GSK3B: variants seen among roughly 807,000 people sequenced by gnomAD.
GSK3B encodes the protein glycogen synthase kinase 3 beta.
In GSK3B, 15 loss-of-function variants were observed where a neutral mutation model predicts 56.4. The ratio of observed to expected loss-of-function variants is 0.27; its 90% CI spans 0.18 to 0.41. The LOEUF (loss-of-function observed/expected upper bound fraction) is 0.41. Among genes scored for constraint, GSK3B ranks in the 10% least tolerant of loss-of-function variants. The pLI, the probability that GSK3B is intolerant of heterozygous loss-of-function variation, is 1.00. For synonymous variants in GSK3B, 181 were observed against 188.9 expected (o/e 0.96, Z 0.34); for missense variants, 300 against 513.4 (o/e 0.58, Z 4.02).
intron 1 of GSK3B, among the ~76,000 whole-genome samples, chr3:120,002,995 C>G (rs1048504225): frequency 1.3e-5 from 2 of 152,196 alleles, no homozygotes; most frequent in Admixed American, 1.3e-4. Flanking sequence ...GATCCTTCTG[C>G]ATTTAGGAAA....
intron 10 of GSK3B, among the ~76,000 whole-genome samples, chr3:119,831,430 G>A (rs1468780410): frequency 1.3e-5 from 2 of 152,106 alleles, no homozygotes; most frequent in African/African-American, 4.8e-5. Flanking sequence ...GGCCGAGGTG[G>A]GCGGATCACA....
intron 3 of GSK3B, among the ~76,000 whole-genome samples, chr3:119,940,173 T>A (rs1336186754): frequency 2.6e-5 from 4 of 151,660 alleles, no homozygotes; most frequent in East Asian, 1.9e-4. Context: ...TATATAAAAA[T>A]ATATATAAAA....
At position 119,826,816 on chromosome 3, in the gene GSK3B, G is replaced by C; in HGVS notation, c.1235C>G (p.Ala412Gly). The change falls in exon 11 of 11, where the codon GCT (alanine) becomes GGT (glycine). Residue 412 changes from alanine (A) to glycine (G), a missense_variant. Ala to Gly is a moderately conservative substitution (Grantham distance 60). Around this residue, in one of 6 missense-constraint regions of GSK3B, gnomAD observed 88 missense variants for 92.7 expected, o/e 0.95. Transcript: ENST00000264235. ...TGDRGQTNNAASASASNST is the reference protein window; with the variant it reads ...TGDRGQTNNAGSASASNST ...GGTGGAGTTGGAAGCTGATGCAGAA[G>C]CAGCATTATTGGTCTGTCCACGGTC... is the stretch of plus-strand genomic sequence containing the variant. The C allele has an allele frequency of 1.2e-6, 2 of 1,613,044 alleles. No individual in the cohort carries two copies. Among genetic ancestry groups the C allele is most frequent in the Non-Finnish European group, 1.7e-6 (2 of 1,178,976 alleles).
intron 2 of GSK3B, among the ~76,000 whole-genome samples, chr3:119,953,118 G>T (rs2057174416): frequency 6.6e-6 from 1 of 151,986 alleles, no homozygotes; most frequent in Non-Finnish European, 1.5e-5. Context: ...ACAGAAATTA[G>T]GTCAGTATTA....
chr3:119,984,252 C>G (rs995396800), intron 2 of GSK3B, among the ~76,000 whole-genome samples: 2 of 152,032 alleles, frequency 1.3e-5, no homozygotes, highest in South Asian at 2.1e-4. Flanking sequence ...CAAGATAAAG[C>G]AGCAAAGATC....
chr3:119,833,438 G>A (rs2055634955), intron 10 of GSK3B, among the ~76,000 whole-genome samples: 1 of 151,928 alleles, frequency 6.6e-6, no homozygotes, highest in African/African-American at 2.4e-5. Context: ...CCACAGAAAT[G>A]TTCTATTTAT....
At chr3:119,902,182 TTAA>T (rs1254852230) in intron 7 of GSK3B, among the ~76,000 whole-genome samples, 2 of 152,198 alleles carry the variant, frequency 1.3e-5, no homozygotes, top group South Asian at 2.1e-4. Flanking sequence ...ACAGAACGTC[TTAA>T]TAACATTTAA....
chr3:120,013,093 C>T (rs1418516982), intron 1 of GSK3B, among the ~76,000 whole-genome samples: 1 of 152,122 alleles, frequency 6.6e-6, no homozygotes, highest in East Asian at 1.9e-4. Context: ...CTGTAAACAA[C>T]ATTTTGTAGT....
At chr3:120,026,051 C>A (rs2057920246) in intron 1 of GSK3B, among the ~76,000 whole-genome samples, 1 of 152,194 alleles carries the variant, frequency 6.6e-6, no homozygotes, top group Non-Finnish European at 1.5e-5. Context: ...CTCCTTCCAG[C>A]TCTTATTAAA....
rs2055511302 is a variant in GSK3B, at chr3:119,826,587, T to G, written c.*201A>C. The G allele has an allele frequency of 1.8e-6, 1 of 560,878 alleles. No individual in the cohort carries two copies. Among genetic ancestry groups the G allele is most frequent in the Non-Finnish European group, 3.4e-6 (1 of 297,380 alleles). The allele number at this position is 560,878 out of a possible 1,614,324, so 34.7% of individuals were successfully genotyped here. A position where few individuals can be genotyped will look rare whatever the true frequency, so the allele number is the denominator to read the frequency against. ...CCCACCCCCTGGATCTCCCTCAAAGTGAGAATACAATGAAATTGGTTTGTA... is the reference window on the plus strand; with the variant it reads ...CCCACCCCCTGGATCTCCCTCAAAGGGAGAATACAATGAAATTGGTTTGTA... On this transcript the variant is annotated 3_prime_UTR_variant, in exon 11 of 11. Coordinates refer to ENST00000264235, the MANE Select transcript of GSK3B (RefSeq NM_001146156.2).
At chr3:119,903,191 A>G (rs961551019) in intron 7 of GSK3B, among the ~76,000 whole-genome samples, 34 of 152,204 alleles carry the variant, frequency 2.2e-4, no homozygotes, top group Non-Finnish European at 1.0e-4. Flanking sequence ...ATGGATGGTA[A>G]ACTACTACTG....
At chr3:119,874,923 A>G (rs1553726878) in intron 8 of GSK3B, among the ~76,000 whole-genome samples, 1 of 152,050 alleles carries the variant, frequency 6.6e-6, no homozygotes, top group Non-Finnish European at 1.5e-5. Context: ...ATGGACTCAA[A>G]CTGTAATGCA....
chr3:119,940,584 T>G (rs1193084187), intron 3 of GSK3B, among the ~76,000 whole-genome samples: 1 of 152,148 alleles, frequency 6.6e-6, no homozygotes, highest in Non-Finnish European at 1.5e-5. Flanking sequence ...AGCTAGACTG[T>G]GGGGGCTCAA....
Position 119,912,747 on chromosome 3 carries a change from T to C in GSK3B, c.672A>G (p.Ala224=). 6.3e-7 allele frequency: 1 copy of C among 1,597,066 alleles called. No individual in the cohort carries two copies. ...VSYICSRYYR[A]PELIFGATDY... Reference sequence around the variant, plus strand: ...CAGTGGCTCCAAAGATCAACTCTGGTGCCCTATAGTACCGAGAACAGATAT... The same window carrying C: ...CAGTGGCTCCAAAGATCAACTCTGGCGCCCTATAGTACCGAGAACAGATAT... The change falls in exon 6 of 11, where the codon GCA becomes GCG. Residue 224 remains alanine (A), a synonymous_variant. Transcript: ENST00000264235.
intron 1 of GSK3B, among the ~76,000 whole-genome samples, chr3:120,011,100 C>T (rs548131056): frequency 1.3e-5 from 2 of 152,242 alleles, no homozygotes; most frequent in South Asian, 4.1e-4. Context: ...TACTGTACTC[C>T]ACAATTTTAA....
intron 2 of GSK3B, among the ~76,000 whole-genome samples, chr3:119,976,357 T>C (rs2057408452): frequency 6.6e-6 from 1 of 152,128 alleles, no homozygotes; most frequent in East Asian, 1.9e-4. Flanking sequence ...ATAAACCATA[T>C]GTGGCATGTC....
intron 1 of GSK3B, among the ~76,000 whole-genome samples, chr3:120,048,919 A>C (rs947406176): frequency 6.6e-6 from 1 of 152,210 alleles, no homozygotes; most frequent in Non-Finnish European, 1.5e-5. Context: ...ATGCCTAACC[A>C]ATGACACAAA....
At chr3:120,086,577 T>A (rs2058464838) in intron 1 of GSK3B, among the ~76,000 whole-genome samples, 1 of 152,024 alleles carries the variant, frequency 6.6e-6, no homozygotes, top group Non-Finnish European at 1.5e-5. Flanking sequence ...GCAGGATTGC[T>A]TGATTCCAGG....
intron 8 of GSK3B, among the ~76,000 whole-genome samples, chr3:119,864,976 C>G (rs2056157829): frequency 6.6e-6 from 1 of 152,084 alleles, no homozygotes; most frequent in African/African-American, 2.4e-5. Context: ...CCTGCCTTAT[C>G]TTTATTCTTT....
Sources: gnomAD v4.1 joint callset for allele counts (sites outside exome capture counted in the v4.1 genomes callset) on GRCh38, gnomAD v4.1.1 for gene constraint, gnomAD v4.1.1 regional missense constraint, MANE v1.5 for transcripts, NCBI Gene and HGNC (gene_info 2026-07-23, HGNC 2026-07-21) for gene names.